Variants in DENND3 observed in about 807,000 individuals in gnomAD.
DENND3 encodes the protein DENN domain containing 3.
A neutral mutation model predicts 135.1 loss-of-function variants in DENND3; 88 were observed. That is an observed-to-expected ratio of 0.65 (90% CI 0.55 to 0.78). The LOEUF is 0.78. Among genes scored for constraint, DENND3 ranks in the 30% least tolerant of loss-of-function variants. DENND3 has a pLI of 0.00. For missense variants in DENND3, 1,392 were observed against 1,688.4 expected, an observed-to-expected ratio of 0.82 and a Z score of 3.08; for synonymous variants, 693 against 712.3, an observed-to-expected ratio of 0.97 and a Z score of 0.43.
chr8:141,176,836 C>CAGT (rs2154613341), intron 15 of DENND3, 75 bp downstream of exon 15: 2 of 1,550,220 alleles, frequency 1.3e-6, no homozygotes, highest in African/African-American at 2.7e-5. Context: ...GGTCCTGTGG[C>CAGT]AGTCCTCAGC....
At position 141,141,917 on chromosome 8, in the gene DENND3, G is replaced by A. The variant is rs1817506209; in HGVS notation, c.623+593G>A. 1 of 195,662 alleles carries A rather than the reference G, an allele frequency of 5.1e-6. No homozygotes were observed. Among genetic ancestry groups the A allele is most frequent in the South Asian group, 7.6e-5 (1 of 13,244 alleles). 12.1% of individuals were successfully genotyped at this position (195,662 alleles called of 1,614,324 possible). ...AAACTAGTTGGGCATGGTGGTGTGT[G>A]CCTGTAGTCCCAGCTACTGGGAAGG... On this transcript the variant is annotated intron_variant, in intron 4 of 22. Transcript: ENST00000519811. This position sits in a 1 kb window ranked among gnomAD's most constrained non-coding sequence, Gnocchi z 5.3.
chr8:141,147,225 C>A (rs1217144987), intron 5 of DENND3, among the ~76,000 whole-genome samples: 1 of 152,232 alleles, frequency 6.6e-6, no homozygotes, highest in Non-Finnish European at 1.5e-5. Context: ...CTGCTCCCCG[C>A]TGCGTGACTT....
In DENND3 at chr8:141,139,160, A is replaced by T. The variant is rs961919142; in HGVS notation, c.501+1023A>T. On this transcript the variant is annotated intron_variant, in intron 3 of 22. Transcript: ENST00000519811. The surrounding 1 kb of genome is among the most constrained non-coding windows in gnomAD (Gnocchi z 4.2). ...TTAGGTGCCCTGGTGCCATGAAGGGAAGTCTGTGAGTTCCATGCAGTCGAG... is the reference window on the plus strand; with the variant it reads ...TTAGGTGCCCTGGTGCCATGAAGGGTAGTCTGTGAGTTCCATGCAGTCGAG... 1.3e-5 allele frequency among the ~76,000 whole-genome samples: 2 copies of T among 152,088 alleles called. No individual in the cohort carries two copies. The highest frequency in any genetic ancestry group is 4.1e-4 in the South Asian group (2 of 4,828).
intron 8 of DENND3, among the ~76,000 whole-genome samples, chr8:141,158,960 C>G (rs1482845177): frequency 6.6e-6 from 1 of 152,220 alleles, no homozygotes; most frequent in East Asian, 1.9e-4. Flanking sequence ...GGCATCATAG[C>G]CCTTTTTACA....
At chr8:141,161,305 C>T (rs555584652) in intron 9 of DENND3, among the ~76,000 whole-genome samples, 2 of 152,328 alleles carry the variant, frequency 1.3e-5, no homozygotes, top group African/African-American at 4.8e-5. Flanking sequence ...ATGAAACCAT[C>T]TATGGGAGAG....
chr8:141,185,902 C>A (rs982046373), intron 18 of DENND3, among the ~76,000 whole-genome samples: 3 of 151,780 alleles, frequency 2.0e-5, no homozygotes, highest in Admixed American at 2.0e-4. Flanking sequence ...GTGGTCTCTG[C>A]CTGCTTATTA....
At position 141,175,348 on chromosome 8, in the gene DENND3, C is replaced by T. The variant is rs777757517; in HGVS notation, c.2424C>T (p.Ser808=). 1.9e-5 allele frequency: 31 copies of T among 1,614,204 alleles called. No homozygotes were observed. The highest frequency in any genetic ancestry group is 2.2e-5 in the East Asian group (1 of 44,892). The change falls in exon 14 of 23, where the codon TCC becomes TCT. Residue 808 remains serine, a synonymous_variant. Coordinates refer to ENST00000519811, the MANE Select transcript of DENND3 (RefSeq NM_001352890.3). This position sits in a 1 kb window ranked among gnomAD's most constrained non-coding sequence, Gnocchi z 5.4. Reference sequence around the variant, plus strand: ...AGTGTGTGTGTAAGTTGTCCAGCTCCGTCAAGACAAACCTAGGCGTTGGCA... The same window carrying T: ...AGTGTGTGTGTAAGTTGTCCAGCTCTGTCAAGACAAACCTAGGCGTTGGCA... ...KNECVCKLSS[S]VKTNLGVGKI...
chr8:141,177,823 A>C, intron 15 of DENND3: 1 of 390,766 alleles, frequency 2.6e-6, no homozygotes, highest in Non-Finnish European at 4.5e-6. Flanking sequence ...CAAAGCTTGA[A>C]ATGCCTCCTG....
Position 141,176,701 on chromosome 8 carries a change from C to G in DENND3, c.2646C>G (p.Asp882Glu), listed in dbSNP as rs1334572746. 6.2e-7 allele frequency: 1 copy of G among 1,614,210 alleles called. No homozygotes were observed. Among genetic ancestry groups the G allele is most frequent in the Non-Finnish European group, 8.5e-7 (1 of 1,180,042 alleles). ...AAGCCAACCTGAAAACCGAGTGTGA[C>G]CTTTGGCACCTGATGGTGAAGGAGA... The part of the protein sequence containing the change: ...VFEANLKTEC[D>E]LWHLMVKEMW... The change falls in exon 15 of 23, where the codon GAC (aspartate) becomes GAG (glutamate). Residue 882 changes from aspartate to glutamate, a missense_variant. Transcript: ENST00000519811.
At position 141,190,368 on chromosome 8, in the gene DENND3, G is replaced by A. The variant is rs1045303; in HGVS notation, c.3330G>A (p.Pro1110=). The change falls in exon 20 of 23, where the codon CCG becomes CCA. Residue 1110 remains proline, a synonymous_variant. Coordinates refer to ENST00000519811, the MANE Select transcript of DENND3 (RefSeq NM_001352890.3). ...AGGTGACCAGCCGCTTCCAGCTGCC[G>A]CGAGGTGGCCTGACGTCCATCAGAC... ...TLQVTSRFQL[P]RGGLTSIRLH... 469,001 of 1,611,488 alleles carry A rather than the reference G, an allele frequency of 0.29. 73,299 individuals are homozygous for A. The highest frequency in any genetic ancestry group is 0.6 in the East Asian group (26,691 of 44,688).
Position 141,192,602 on chromosome 8 carries a change from C to T in DENND3, c.3575C>T (p.Pro1192Leu), listed in dbSNP as rs143606076. The change falls in exon 22 of 23, where the codon CCG (proline) becomes CTG (leucine). Residue 1192 changes from proline (P) to leucine (L), a missense_variant. Transcript: ENST00000519811. ...AGCCTGAAGGACCTGGCCCAGCCCC[C>T]GCAGAGGGTGCCCCTCGAGGACTGC... ...IWSLKDLAQPPQRVPLEDCSE... is the reference protein window; with the variant it reads ...IWSLKDLAQPLQRVPLEDCSE... 3.3e-5 allele frequency: 52 copies of T among 1,589,398 alleles called. No homozygotes were observed. Among genetic ancestry groups the T allele is most frequent in the African/African-American group, 9.4e-5 (7 of 74,572 alleles).
rs1032297227 is a variant in DENND3, at chr8:141,128,589, G to A, written c.-119G>A. On this transcript the variant is annotated 5_prime_UTR_variant, in exon 1 of 23. Transcript: ENST00000519811. The surrounding 1 kb of genome is among the most constrained non-coding windows in gnomAD (Gnocchi z 4.5). ...CAGGCCCCGCCTCCAGCCCCGCCCCGCAGACGGCGCTCGCAGCGCCCCCGG... is the reference window on the plus strand; with the variant it reads ...CAGGCCCCGCCTCCAGCCCCGCCCCACAGACGGCGCTCGCAGCGCCCCCGG... 1.3e-4 allele frequency: 54 copies of A among 418,344 alleles called. 1 individual carries two copies. In the East Asian group the frequency reaches 3.4e-3, roughly 26 times the overall value. 25.9% of individuals were successfully genotyped at this position (418,344 alleles called of 1,614,324 possible). A position where few individuals can be genotyped will look rare whatever the true frequency, so the allele number is the denominator to read the frequency against.
In DENND3 at chr8:141,128,777, GC is replaced by G. The variant is rs1569554520; in HGVS notation, c.76del (p.Arg26GlyfsTer59). 9 of 1,464,054 alleles carry G rather than the reference GC, an allele frequency of 6.1e-6. No homozygotes were observed. Among genetic ancestry groups the G allele is most frequent in the East Asian group, 5.9e-5 (2 of 33,956 alleles). The allele number at this position is 1,464,054 out of a possible 1,614,324, so 90.7% of individuals were successfully genotyped here. ...GCTGGAGCTCTGCGCGCTGCTGGGC[GC>G]CCCCCGGGACAGTCTCCGAAGTCTC... ...GLLELCALLG[A>X]PRDSLRSLEQ... On this transcript the variant is annotated frameshift_variant, in exon 1 of 23. Coordinates refer to ENST00000519811, the MANE Select transcript of DENND3 (RefSeq NM_001352890.3). LOFTEE classifies it high-confidence loss of function. This position sits in a 1 kb window ranked among gnomAD's most constrained non-coding sequence, Gnocchi z 4.5.
chr8:141,174,563 A>AGCGG lies in DENND3; in HGVS notation c.2276-634_2276-631dup, dbSNP rs1447505535. Among the ~76,000 whole-genome samples, 41 of 152,184 alleles carry AGCGG rather than the reference A, an allele frequency of 2.7e-4. No individual in the cohort carries two copies. The highest frequency in any genetic ancestry group is 8.4e-4 in the African/African-American group (35 of 41,428). ...CAGGAGTCTCTGTGAAAGGTCGTGA[A>AGCGG]GCGGGCTTCAGGCTCAGGCTCCTCT... On this transcript the variant is annotated intron_variant, in intron 13 of 22. Transcript: ENST00000519811. This position sits in a 1 kb window ranked among gnomAD's most constrained non-coding sequence, Gnocchi z 4.6.
chr8:141,145,834 TATATATATATATATATG>T (rs1160755270), intron 5 of DENND3, among the ~76,000 whole-genome samples: 54 of 82,274 alleles, frequency 6.6e-4, no homozygotes, highest in African/African-American at 4.2e-3. Flanking sequence ...TATATATATA[TATATATATATATATATG>T]TATTTTTTTT....
chr8:141,184,893 G>A (rs1211146217), intron 17 of DENND3: 3 of 415,366 alleles, frequency 7.2e-6, no homozygotes, highest in South Asian at 5.6e-5. Context: ...ACAGGCATTC[G>A]GCTCTGCATC....
rs1165557822 is a variant in DENND3 at position 141,130,678 on chromosome 8, G to A, written c.102+1869G>A. Among the ~76,000 whole-genome samples, 4 of 147,208 alleles carry A rather than the reference G, an allele frequency of 2.7e-5. No homozygotes were observed. Among genetic ancestry groups the A allele is most frequent in the Admixed American group, 1.4e-4 (2 of 14,618 alleles). ...CGGCGGTTCTATTTTGAATGTCCAA[G>A]GCTTTTAAATATATTTTTTTTTTTT... On this transcript the variant is annotated intron_variant, in intron 1 of 22. Transcript: ENST00000519811. This position sits in a 1 kb window ranked among gnomAD's most constrained non-coding sequence, Gnocchi z 4.2.
chr8:141,153,638 C>T (rs772332922), intron 7 of DENND3, among the ~76,000 whole-genome samples: 1 of 152,210 alleles, frequency 6.6e-6, no homozygotes, highest in Non-Finnish European at 1.5e-5. Flanking sequence ...CCTGCCAAGG[C>T]GAGTGACTCA....
chr8:141,170,923 G>A (rs1193740727), intron 13 of DENND3, among the ~76,000 whole-genome samples: 1 of 152,216 alleles, frequency 6.6e-6, no homozygotes, highest in African/African-American at 2.4e-5. Context: ...CATCTTTTGA[G>A]GCACCCCCAC....
Sources: allele counts gnomAD v4.1 joint callset (sites outside exome capture counted in the v4.1 genomes callset), GRCh38; gene constraint gnomAD v4.1.1; non-coding constraint Gnocchi (gnomAD v3.1); transcripts MANE v1.5; gene names NCBI Gene and HGNC (gene_info 2026-07-23, HGNC 2026-07-21).